CPSF4L: variants seen among roughly 807,000 people sequenced by gnomAD.
CPSF4L encodes cleavage and polyadenylation specific factor 4 like, also known as putative cleavage and polyadenylation specificity factor subunit 4-like protein.
In CPSF4L, 18 loss-of-function variants were observed where a neutral mutation model predicts 24.0. That is an observed-to-expected ratio of 0.75 (90% confidence interval 0.52 to 1.11). The LOEUF (loss-of-function observed/expected upper bound fraction) is 1.11, where lower values mean the gene tolerates loss of function less well. CPSF4L is among the 50% of genes least tolerant of loss of function. CPSF4L has a pLI of 0.00. For missense variants in CPSF4L, 211 were observed against 221.8 expected (o/e 0.95, Z 0.31); for synonymous variants, 72 against 77.2 (o/e 0.93, Z 0.35).
chr17:73,248,716 G>A (rs1289805997), intron 5 of CPSF4L, 180 bp from the exon 6 acceptor site: 1 of 658,840 alleles, frequency 1.5e-6, no homozygotes, highest in Non-Finnish European at 2.7e-6. Context: ...GAATACCCCG[G>A]CTGTAACTCA....
chr17:73,242,474 T>A, the CPSF4L span: 1 of 619,640 alleles, frequency 1.6e-6, no homozygotes, highest in Non-Finnish European at 2.8e-6. Flanking sequence ...TGTGTTGTCT[T>A]CCTAGTTTTC....
upstream of CPSF4L, chr17:73,262,101 C>T (rs182620552): frequency 2.2e-3 from 968 of 436,562 alleles, 2 homozygotes; most frequent in Non-Finnish European, 3.0e-3. Flanking sequence ...TCGCAGAGCC[C>T]CACAAACTGC....
chr17:73,259,352 T>TC (rs2062036158), intron 2 of CPSF4L, among the ~76,000 whole-genome samples: 1 of 68,960 alleles, frequency 1.5e-5, no homozygotes, highest in Non-Finnish European at 5.2e-5. Context: ...TTTTTCCTTT[T>TC]TTAAAAAAAA....
At chr17:73,258,662 ATCTGCCTGGAGTGCCATGCCCT>A (rs2062032910) in intron 2 of CPSF4L, among the ~76,000 whole-genome samples, 2 of 151,894 alleles carry the variant, frequency 1.3e-5, no homozygotes, top group South Asian at 4.1e-4. Flanking sequence ...CATCCTTCCC[ATCTGCCTGGAGTGCCATGCCCT>A]TCTCCAGGGA....
chr17:73,258,348 C>G (rs1301940689), intron 2 of CPSF4L, among the ~76,000 whole-genome samples: 1 of 152,064 alleles, frequency 6.6e-6, no homozygotes, highest in Non-Finnish European at 1.5e-5. Context: ...CTCTGTTGCC[C>G]ATGCTAGAGA....
chr17:73,260,085 G>A (rs1227586641), intron 2 of CPSF4L, among the ~76,000 whole-genome samples: 1 of 152,188 alleles, frequency 6.6e-6, no homozygotes, highest in Non-Finnish European at 1.5e-5. Context: ...GTCAGGGCAG[G>A]AGAGAAGTGG....
chr17:73,262,856 C>G (rs1568333844), upstream of CPSF4L, among the ~76,000 whole-genome samples: 1 of 152,196 alleles, frequency 6.6e-6, no homozygotes, highest in Non-Finnish European at 1.5e-5. Context: ...CGCAGGCTCT[C>G]AGCTGGGCCA....
At chr17:73,263,278 G>A (rs981209760), upstream of CPSF4L, among the ~76,000 whole-genome samples, 5 of 152,158 alleles carry the variant, frequency 3.3e-5, no homozygotes, top group Non-Finnish European at 7.3e-5. Flanking sequence ...TTTGGGAGGC[G>A]CTATGGATGG....
At chr17:73,260,904 T>G in intron 2 of CPSF4L, 29 bp downstream of exon 2, 2 of 1,546,204 alleles carry the variant, frequency 1.3e-6, no homozygotes, top group Non-Finnish European at 8.8e-7. Flanking sequence ...CTCACCCAGC[T>G]TGGGGCCCAG....
chr17:73,258,841 G>A lies in CPSF4L; in HGVS notation c.155-1008C>T, dbSNP rs180984308. ...CTGGCACATAGTAAGTGCTCAGTAA[G>A]GGTGTGTTGAATTCCCATCTTTAAA... On this transcript the variant is annotated intron_variant, in intron 2 of 5. Transcript: ENST00000344935. 3.3e-5 allele frequency among the ~76,000 whole-genome samples: 5 copies of A among 152,330 alleles called. No homozygotes were observed. In the East Asian group the frequency reaches 9.6e-4, roughly 29 times the overall value.
intron 3 of CPSF4L, among the ~76,000 whole-genome samples, chr17:73,254,963 C>G (rs765924879): frequency 6.6e-6 from 1 of 152,156 alleles, no homozygotes; most frequent in African/African-American, 2.4e-5. Flanking sequence ...TTTAAGAGCT[C>G]TCTTAGATTT....
chr17:73,244,598 G>A (rs986940835), downstream of CPSF4L: 1 of 127,916 alleles, frequency 7.8e-6, no homozygotes, highest in Non-Finnish European at 1.7e-5. Flanking sequence ...CAGTATTTTT[G>A]TACAATTAAA....
chr17:73,261,361 G>A (rs1490036911), intron 1 of CPSF4L, among the ~76,000 whole-genome samples: 1 of 152,214 alleles, frequency 6.6e-6, no homozygotes, highest in African/African-American at 2.4e-5. Context: ...GAGGCCTGTA[G>A]AGAAGGAAGG....
chr17:73,249,149 A>G (rs1347485220), intron 5 of CPSF4L, among the ~76,000 whole-genome samples: 1 of 152,132 alleles, frequency 6.6e-6, no homozygotes, highest in Non-Finnish European at 1.5e-5. Flanking sequence ...AACGTCTGTG[A>G]TGGTAGGAAC....
At chr17:73,244,305 G>A (rs986911177), downstream of CPSF4L, among the ~76,000 whole-genome samples, 2 of 152,132 alleles carry the variant, frequency 1.3e-5, no homozygotes, top group Non-Finnish European at 2.9e-5. Flanking sequence ...GCTCACGCCT[G>A]TAATCCCAGC....
At chr17:73,242,342 G>A in the CPSF4L span, 2 of 1,572,888 alleles carry the variant, frequency 1.3e-6, no homozygotes, top group African/African-American at 1.4e-5. Flanking sequence ...CTTGGGAGCT[G>A]TACAAAAAGG....
In CPSF4L at chr17:73,252,647, G is replaced by C. The variant is rs2062010087; in HGVS notation, c.480C>G (p.Pro160=). 6.4e-7 allele frequency: 1 copy of C among 1,550,414 alleles called. No individual in the cohort carries two copies. Among genetic ancestry groups the C allele is most frequent in the African/African-American group, 1.4e-5 (1 of 73,024 alleles). Residue 160 remains proline (P), a synonymous_variant, in exon 5 of 6, where the codon CCC becomes CCG. Transcript: ENST00000344935. The part of the protein sequence containing the change: ...NYLVGFCPEG[P]KCQFAQKIRE... ...ATACTTACTGAGCAAATTGGCACTT[G>C]GGTCCCTCGGGGCAGAAGCCAACTA...
downstream of CPSF4L, chr17:73,244,826 G>T (rs1243755207): frequency 2.5e-5 from 5 of 198,684 alleles, no homozygotes; most frequent in African/African-American, 1.2e-4. Context: ...TGCTGGCTGG[G>T]ATGGCCTCGC....
chr17:73,248,250 G>C, downstream of CPSF4L: 1 of 492,696 alleles, frequency 2.0e-6, no homozygotes, highest in South Asian at 2.7e-5. Flanking sequence ...AGACTCCTCA[G>C]AACGAATAGT....
Sources: gnomAD v4.1 joint callset for allele counts (sites outside exome capture counted in the v4.1 genomes callset) on GRCh38, gnomAD v4.1.1 for gene constraint, MANE v1.5 for transcripts, NCBI Gene and HGNC (gene_info 2026-07-23, HGNC 2026-07-21) for gene names.